The following IMMP2L variants were observed in gnomAD, a reference collection of about 807,000 sequenced individuals.
The protein encoded by IMMP2L is mitochondrial inner membrane protease subunit 2.
A neutral mutation model predicts 19.3 loss-of-function variants in IMMP2L; 18 were observed. That is an observed-to-expected ratio of 0.93 (90% confidence interval 0.64 to 1.38). The LOEUF is 1.38. Ranked by LOEUF, IMMP2L falls within the 40% of genes most tolerant of loss-of-function variation. IMMP2L has a pLI of 0.00. For synonymous variants in IMMP2L, 76 were observed against 73.0 expected, an observed-to-expected ratio of 1.04 and a Z score of -0.21; for missense variants, 233 against 218.2, an observed-to-expected ratio of 1.07 and a Z score of -0.43.
chr7:110,715,698 C>A (rs188403472), intron 5 of IMMP2L, among the ~76,000 whole-genome samples: 4 of 152,042 alleles, frequency 2.6e-5, no homozygotes, highest in Admixed American at 6.6e-5. Context: ...TGAGCATGTT[C>A]GGGGTGTAGA....
In IMMP2L at chr7:111,395,101, G is replaced by T. The variant is rs147356161; in HGVS notation, c.239+92137C>A. 6.1e-3 allele frequency: 1,001 copies of T among 165,302 alleles called. 6 individuals are homozygous for T. Among genetic ancestry groups the T allele is most frequent in the Non-Finnish European group, 8.9e-3 (647 of 72,994 alleles). The allele number at this position is 165,302 out of a possible 1,614,324, so 10.2% of individuals were successfully genotyped here. On this transcript the variant is annotated intron_variant, in intron 3 of 5. Coordinates refer to ENST00000405709, the MANE Select transcript of IMMP2L (RefSeq NM_032549.4). Reference sequence around the variant, plus strand: ...GAACATGAGAGTGGCCAAACATATAGCGCAGCAGGAAGCAGAGGGCAGCTG... The same window carrying T: ...GAACATGAGAGTGGCCAAACATATATCGCAGCAGGAAGCAGAGGGCAGCTG...
At chr7:111,138,753 T>C (rs952870563) in intron 3 of IMMP2L, among the ~76,000 whole-genome samples, 40 of 152,176 alleles carry the variant, frequency 2.6e-4, no homozygotes, top group African/African-American at 9.4e-4. Flanking sequence ...TCCTATTTGG[T>C]TCTCATGAAC....
At chr7:110,882,532 C>A (rs546578115) in intron 5 of IMMP2L, among the ~76,000 whole-genome samples, 12 of 152,150 alleles carry the variant, frequency 7.9e-5, no homozygotes, top group African/African-American at 2.9e-4. Flanking sequence ...AGGCATGTGC[C>A]ACCACACCCA....
intron 3 of IMMP2L, among the ~76,000 whole-genome samples, chr7:111,386,455 T>C (rs1433861333): frequency 1.3e-5 from 2 of 152,154 alleles, no homozygotes; most frequent in African/African-American, 2.4e-5. Context: ...TTTATATACA[T>C]TGGCCCTATG....
At chr7:111,375,086 G>C (rs1368855739) in intron 3 of IMMP2L, among the ~76,000 whole-genome samples, 16 of 152,028 alleles carry the variant, frequency 1.1e-4, no homozygotes, top group Admixed American at 9.9e-4. Context: ...CTCAGAAAGA[G>C]AGTCTTCACT....
intron 3 of IMMP2L, among the ~76,000 whole-genome samples, chr7:111,056,652 C>A (rs939345959): frequency 1.3e-5 from 2 of 152,078 alleles, no homozygotes; most frequent in Admixed American, 1.3e-4. Context: ...TGACCTGAAG[C>A]CTTACTGATA....
Position 110,985,766 on chromosome 7 carries a change from CAA to C in IMMP2L, c.240-22203_240-22202del, listed in dbSNP as rs139614480. On this transcript the variant is annotated intron_variant, in intron 3 of 5. Coordinates refer to ENST00000405709, the MANE Select transcript of IMMP2L (RefSeq NM_032549.4). ...AGAAAGTACTTTTTCTCAAAGCCGA[CAA>C]AGTTGTATTTTATTTGATATCCATT... 7.3e-3 allele frequency among the ~76,000 whole-genome samples: 1,112 copies of C among 152,126 alleles called. 11 individuals carry two copies. Among genetic ancestry groups the C allele is most frequent in the African/African-American group, 0.025 (1,039 of 41,496 alleles).
chr7:110,779,487 CA>C (rs531864376), intron 5 of IMMP2L, among the ~76,000 whole-genome samples: 74 of 152,002 alleles, frequency 4.9e-4, no homozygotes, highest in African/African-American at 1.8e-3. Flanking sequence ...TGAGGTCTGG[CA>C]GGGGGAGAAA....
chr7:111,411,479 C>A, intron 3 of IMMP2L: 1 of 482,148 alleles, frequency 2.1e-6, no homozygotes, highest in Non-Finnish European at 4.1e-6. Flanking sequence ...CACGGGCAAG[C>A]ACGGCATGGG....
At chr7:111,485,401 C>T (rs1285864056) in intron 3 of IMMP2L, among the ~76,000 whole-genome samples, 2 of 151,644 alleles carry the variant, frequency 1.3e-5, no homozygotes, top group Non-Finnish European at 2.9e-5. Flanking sequence ...AGATCAAGAC[C>T]ATCGTGGCTA....
chr7:111,349,574 G>T (rs994498847), intron 3 of IMMP2L, among the ~76,000 whole-genome samples: 7 of 152,116 alleles, frequency 4.6e-5, no homozygotes, highest in Admixed American at 6.6e-5. Flanking sequence ...TGGCTTTCAT[G>T]AAGCCCTAGG....
At chr7:111,264,264 G>A (rs1221167264) in intron 3 of IMMP2L, among the ~76,000 whole-genome samples, 5 of 151,992 alleles carry the variant, frequency 3.3e-5, no homozygotes, top group East Asian at 1.9e-4. Flanking sequence ...ACAAGGGCAC[G>A]GGCCCATTTA....
chr7:111,498,045 G>C (rs1843758886), intron 2 of IMMP2L, among the ~76,000 whole-genome samples: 1 of 151,860 alleles, frequency 6.6e-6, no homozygotes, highest in Non-Finnish European at 1.5e-5. Context: ...AATTGTTTTT[G>C]AAGGGGAAAG....
At chr7:110,926,901 T>C (rs1814917707) in intron 4 of IMMP2L, among the ~76,000 whole-genome samples, 1 of 152,166 alleles carries the variant, frequency 6.6e-6, no homozygotes, top group Admixed American at 6.6e-5. Flanking sequence ...CAGGGGACAC[T>C]GTAAATCTTT....
chr7:110,949,956 T>C (rs962725925), intron 4 of IMMP2L, among the ~76,000 whole-genome samples: 22 of 152,122 alleles, frequency 1.4e-4, no homozygotes, highest in Admixed American at 1.1e-3. Flanking sequence ...AAAATAAAAA[T>C]TTTTAAATCC....
At chr7:110,868,447 A>G (rs992751020) in intron 5 of IMMP2L, among the ~76,000 whole-genome samples, 5 of 152,078 alleles carry the variant, frequency 3.3e-5, no homozygotes, top group Non-Finnish European at 7.4e-5. Flanking sequence ...TTATATTTTT[A>G]TAATTGTGAT....
intron 3 of IMMP2L, among the ~76,000 whole-genome samples, chr7:110,965,713 T>C (rs1190152171): frequency 1.3e-5 from 2 of 151,890 alleles, no homozygotes; most frequent in Admixed American, 6.6e-5. Flanking sequence ...AAAATATTAT[T>C]CAGCCTCAGT....
At chr7:110,687,864 T>A (rs1793227083) in intron 5 of IMMP2L, among the ~76,000 whole-genome samples, 1 of 151,956 alleles carries the variant, frequency 6.6e-6, no homozygotes, top group African/African-American at 2.4e-5. Context: ...TATTTCTTCA[T>A]CTGCTTGTAT....
intron 3 of IMMP2L, among the ~76,000 whole-genome samples, chr7:111,000,725 T>TCCCAGCTA (rs1009051545): frequency 6.6e-6 from 1 of 151,818 alleles, no homozygotes; most frequent in Non-Finnish European, 1.5e-5. Context: ...ATGCCTGTAA[T>TCCCAGCTA]CCCAGCTACA....
Sources: allele counts gnomAD v4.1 joint callset (sites outside exome capture counted in the v4.1 genomes callset), GRCh38; gene constraint gnomAD v4.1.1; transcripts MANE v1.5; gene names NCBI Gene and HGNC (gene_info 2026-07-23, HGNC 2026-07-21).